Variants in C6orf62 observed in about 807,000 individuals in gnomAD.
The protein encoded by C6orf62 is chromosome 6 open reading frame 62.
C6orf62 carries 16 observed loss-of-function variants against 26.8 expected under a neutral mutation model. The ratio of observed to expected loss-of-function variants is 0.60; its 90% CI spans 0.40 to 0.91. C6orf62 has a LOEUF of 0.91. Among genes scored for constraint, C6orf62 ranks in the 40% least tolerant of loss-of-function variants. The pLI is 0.00. For missense variants in C6orf62, 192 were observed against 271.4 expected (o/e 0.71, Z 2.06); for synonymous variants, 112 against 91.5 (o/e 1.22, Z -1.28).
chr6:24,718,722 ACTTTTT>A lies in C6orf62; in HGVS notation c.-60_-55del. 6.3e-7 allele frequency: 1 copy of A among 1,598,848 alleles called. No individual in the cohort carries two copies. The highest frequency in any genetic ancestry group is 8.5e-7 in the Non-Finnish European group (1 of 1,176,724). On this transcript the variant is annotated 5_prime_UTR_variant, in exon 1 of 5. Transcript: ENST00000378119. Reference sequence around the variant, plus strand: ...TGGAAATTGTCACTAAACTATGGGCACTTTTTCTTAAGACTCAAGTACAACAGAAAC... The same window carrying A: ...TGGAAATTGTCACTAAACTATGGGCACTTAAGACTCAAGTACAACAGAAAC...
At position 24,718,854 on chromosome 6, in the gene C6orf62, G is replaced by A. The variant is rs1779292761; in HGVS notation, c.-186C>T. ...AATATTAGCAGACTGTCATATTACA[G>A]GGTCAAGAAACAAAAGCTGCTGTCC... is the stretch of plus-strand genomic sequence containing the variant. On this transcript the variant is annotated 5_prime_UTR_variant, in exon 1 of 5. Transcript: ENST00000378119. 1 of 1,431,734 alleles carries A rather than the reference G, an allele frequency of 7.0e-7. No homozygotes were observed. Among genetic ancestry groups the A allele is most frequent in the Non-Finnish European group, 9.1e-7 (1 of 1,100,970 alleles). The allele number at this position is 1,431,734 out of a possible 1,614,324, so 88.7% of individuals were successfully genotyped here.
In C6orf62 at chr6:24,708,826, T is replaced by A; in HGVS notation, c.515A>T (p.Asn172Ile). 1 of 1,614,240 alleles carries A rather than the reference T, an allele frequency of 6.2e-7. No homozygotes were observed. Among genetic ancestry groups the A allele is most frequent in the Non-Finnish European group, 8.5e-7 (1 of 1,180,042 alleles). ...GAGAAACACTGACTGGTTAGGATTGTTGACAACGATTCCAGTCTTGTCCTT... is the reference window on the plus strand; with the variant it reads ...GAGAAACACTGACTGGTTAGGATTGATGACAACGATTCCAGTCTTGTCCTT... ...SRKDKTGIVVNNPNQSVFLFI... is the reference protein window; with the variant it reads ...SRKDKTGIVVINPNQSVFLFI... The change falls in exon 4 of 5, where the codon AAC becomes ATC. Residue 172 changes from asparagine to isoleucine, a missense_variant. Transcript: ENST00000378119.
chr6:24,719,688 T>A (rs1581402030), upstream of C6orf62: 11 of 1,475,848 alleles, frequency 7.5e-6, no homozygotes, highest in East Asian at 2.5e-5. Flanking sequence ...GACTTCCCTG[T>A]GGATCTGCCC....
At chr6:24,719,521 G>A (rs1779309460), upstream of C6orf62, 2 of 1,157,362 alleles carry the variant, frequency 1.7e-6, no homozygotes, top group Non-Finnish European at 2.1e-6. Flanking sequence ...TTCACCCTCA[G>A]GCGGCTGCTA....
intron 3 of C6orf62, among the ~76,000 whole-genome samples, chr6:24,711,239 T>TAC (rs143267331): frequency 0.012 from 1,617 of 138,750 alleles, 25 homozygotes; most frequent in African/African-American, 0.047. Flanking sequence ...AAAGAAATGG[T>TAC]ACACACACAC....
chr6:24,713,415 ATT>A (rs1215686582), intron 3 of C6orf62, among the ~76,000 whole-genome samples: 1 of 152,218 alleles, frequency 6.6e-6, no homozygotes, highest in Non-Finnish European at 1.5e-5. Context: ...GAGTATATCA[ATT>A]TATACAGTCT....
intron 4 of C6orf62, 52 bp from the exon 5 acceptor site, chr6:24,706,314 C>T: frequency 6.3e-7 from 1 of 1,599,414 alleles, no homozygotes; most frequent in Non-Finnish European, 8.5e-7. Context: ...TTTAGCGTAA[C>T]TGTCACATGA....
chr6:24,720,189 T>C, upstream of C6orf62: 4 of 1,358,944 alleles, frequency 2.9e-6, no homozygotes, highest in South Asian at 5.5e-5. Flanking sequence ...ATCCCCTCCC[T>C]GTCCCCGCGG....
intron 3 of C6orf62, among the ~76,000 whole-genome samples, chr6:24,713,808 T>C (rs1026507316): frequency 2.6e-5 from 4 of 152,222 alleles, no homozygotes; most frequent in African/African-American, 9.6e-5. Flanking sequence ...GGGGATTCAC[T>C]TGAGCAATGT....
At chr6:24,716,585 G>A (rs1779234923) in intron 1 of C6orf62, among the ~76,000 whole-genome samples, 1 of 151,934 alleles carries the variant, frequency 6.6e-6, no homozygotes, top group Non-Finnish European at 1.5e-5. Context: ...CACTATTTTG[G>A]ACAATACTTC....
At chr6:24,717,677 C>T (rs755890487) in intron 1 of C6orf62, among the ~76,000 whole-genome samples, 1 of 152,156 alleles carries the variant, frequency 6.6e-6, no homozygotes, top group Non-Finnish European at 1.5e-5. Flanking sequence ...TGGAAAACTT[C>T]CAGATACTTA....
rs1779297422 is a variant in C6orf62, at chr6:24,719,035, T to A, written c.-367A>T. ...AGAAATGAAAAGCCTATAATCAGGA[T>A]TTAGGTGTGCAATAAAACACAGCTG... On this transcript the variant is annotated 5_prime_UTR_variant, in exon 1 of 5. Coordinates refer to ENST00000378119, the MANE Select transcript of C6orf62 (RefSeq NM_030939.5). 9.3e-7 allele frequency: 1 copy of A among 1,075,738 alleles called. No individual in the cohort carries two copies. The highest frequency in any genetic ancestry group is 1.1e-6 in the Non-Finnish European group (1 of 885,756). The allele number at this position is 1,075,738 out of a possible 1,614,324, so 66.6% of individuals were successfully genotyped here. A position where few individuals can be genotyped will look rare whatever the true frequency, so the allele number is the denominator to read the frequency against.
rs199606725 is a variant in C6orf62, at chr6:24,707,992, CAG to C, written c.564+783_564+784del. Among the ~76,000 whole-genome samples the C allele has an allele frequency of 6.4e-3, 967 of 150,648 alleles. 13 individuals are homozygous for C. Among genetic ancestry groups the C allele is most frequent in the Middle Eastern group, 0.02 (6 of 294 alleles). ...CGCCACGGCACTCCAGCCTGGGCGA[CAG>C]AGACTCCCTCTCAAGAAAAAAAAAA... On this transcript the variant is annotated intron_variant, in intron 4 of 4. Coordinates refer to ENST00000378119, the MANE Select transcript of C6orf62 (RefSeq NM_030939.5).
At chr6:24,715,655 T>C (rs1779210329) in intron 2 of C6orf62, among the ~76,000 whole-genome samples, 1 of 152,052 alleles carries the variant, frequency 6.6e-6, no homozygotes, top group Non-Finnish European at 1.5e-5. Context: ...CAGACCAGCC[T>C]AGCCAACATG....
rs1779099925 is a variant in C6orf62 at position 24,710,523 on chromosome 6, C to CA, written c.430-1613dup. 1.1e-5 allele frequency: 10 copies of CA among 907,142 alleles called. No homozygotes were observed. The South Asian group carries it at 3.6e-4, about 32-fold the overall frequency. The allele number at this position is 907,142 out of a possible 1,614,324, so 56.2% of individuals were successfully genotyped here. A position where few individuals can be genotyped will look rare whatever the true frequency, so the allele number is the denominator to read the frequency against. Reference sequence around the variant, plus strand: ...AGGTGATCCATCTGGCTTAGCCTCCCAAAGTGTTGGGATTACAGGCGTGAG... The same window carrying CA: ...AGGTGATCCATCTGGCTTAGCCTCCCAAAAGTGTTGGGATTACAGGCGTGAG... On this transcript the variant is annotated intron_variant, in intron 3 of 4. Transcript: ENST00000378119.
intron 3 of C6orf62, chr6:24,709,732 G>A (rs1441436903): frequency 2.0e-6 from 2 of 985,334 alleles, no homozygotes; most frequent in African/African-American, 1.7e-5. Flanking sequence ...ACATGAGGAA[G>A]ATCAACTCCA....
intron 3 of C6orf62, among the ~76,000 whole-genome samples, chr6:24,713,228 A>G (rs1414006430): frequency 6.6e-6 from 1 of 152,242 alleles, no homozygotes; most frequent in East Asian, 1.9e-4. Context: ...CTTTCACATC[A>G]TGGTAAAGTT....
At chr6:24,720,136 G>A (rs1416943631), upstream of C6orf62, 5 of 1,388,980 alleles carry the variant, frequency 3.6e-6, no homozygotes, top group African/African-American at 3.0e-5. Context: ...CGAGGGGCAG[G>A]GGGTGGAATT....
intron 1 of C6orf62, among the ~76,000 whole-genome samples, chr6:24,717,043 G>A (rs1317819917): frequency 6.6e-6 from 1 of 152,110 alleles, no homozygotes; most frequent in East Asian, 1.9e-4. Context: ...ATATTTGAAA[G>A]ACTAAAAAGA....
Sources: gnomAD v4.1 joint callset for allele counts (sites outside exome capture counted in the v4.1 genomes callset) on GRCh38, gnomAD v4.1.1 for gene constraint, MANE v1.5 for transcripts, NCBI Gene and HGNC (gene_info 2026-07-23, HGNC 2026-07-21) for gene names.